Variants in MACROD2 observed in about 807,000 individuals in gnomAD.
MACROD2 encodes ADP-ribose glycohydrolase MACROD2.
A neutral mutation model predicts 70.4 loss-of-function variants in MACROD2; 36 were observed. That is an observed-to-expected ratio of 0.51 (90% CI 0.39 to 0.68). The LOEUF (loss-of-function observed/expected upper bound fraction) is 0.68. Ranked by LOEUF, MACROD2 falls within the 30% of genes least tolerant of loss-of-function variation. MACROD2 has a pLI of 0.00. For missense variants in MACROD2, 496 were observed against 538.4 expected (o/e 0.92, Z 0.78); for synonymous variants, 172 against 178.8 (o/e 0.96, Z 0.30).
chr20:15,035,407 A>G (rs2075305181), intron 5 of MACROD2, among the ~76,000 whole-genome samples: 1 of 132,652 alleles, frequency 7.5e-6, no homozygotes, highest in African/African-American at 3.2e-5. Flanking sequence ...TTGTCTCCAA[A>G]AAAATAAGTA....
chr20:14,662,980 G>A (rs1012834149), intron 4 of MACROD2, among the ~76,000 whole-genome samples: 1 of 152,014 alleles, frequency 6.6e-6, no homozygotes, highest in African/African-American at 2.4e-5. Context: ...TCCCATTACT[G>A]GGCATATACT....
intron 6 of MACROD2, among the ~76,000 whole-genome samples, chr20:15,247,068 A>AAT (rs1303771316): frequency 6.6e-6 from 1 of 152,140 alleles, no homozygotes; most frequent in Non-Finnish European, 1.5e-5. Context: ...TGTGACTGCT[A>AAT]ATAGGGTATC....
chr20:14,049,174 TA>T (rs71335946), intron 2 of MACROD2, among the ~76,000 whole-genome samples: 109 of 69,792 alleles, frequency 1.6e-3, no homozygotes, highest in South Asian at 0.015. Context: ...ATATATTTAA[TA>T]AAAAAAAAAA....
chr20:14,896,044 C>T (rs1401861154), intron 5 of MACROD2, among the ~76,000 whole-genome samples: 1 of 152,182 alleles, frequency 6.6e-6, no homozygotes, highest in Non-Finnish European at 1.5e-5. Context: ...CGCCTATAAT[C>T]CCAGCACTTT....
chr20:14,106,806 T>C (rs1327703249), intron 3 of MACROD2, among the ~76,000 whole-genome samples: 1 of 152,152 alleles, frequency 6.6e-6, no homozygotes, highest in Non-Finnish European at 1.5e-5. Flanking sequence ...CAGACAATTC[T>C]TCCAGATCTT....
At chr20:15,366,807 A>AG in intron 6 of MACROD2, among the ~76,000 whole-genome samples, 1 of 151,836 alleles carries the variant, frequency 6.6e-6, no homozygotes, top group East Asian at 2.0e-4. Context: ...ACAATCCTCC[A>AG]GCCTCCACCT....
chr20:14,537,007 G>T (rs17227097), intron 4 of MACROD2, among the ~76,000 whole-genome samples: 1,746 of 152,198 alleles, frequency 0.011, 14 homozygotes, highest in Non-Finnish European at 0.019. Context: ...AGTCAGAAAG[G>T]GTCAGGGTGG....
intron 5 of MACROD2, among the ~76,000 whole-genome samples, chr20:15,091,521 A>G (rs537701712): frequency 5.6e-4 from 85 of 152,104 alleles, no homozygotes; most frequent in Non-Finnish European, 1.1e-3. Flanking sequence ...GGAAAGGGAA[A>G]CATCATGGGC....
intron 8 of MACROD2, among the ~76,000 whole-genome samples, chr20:15,713,714 A>G (rs1317345397): frequency 1.3e-5 from 2 of 152,122 alleles, no homozygotes; most frequent in Non-Finnish European, 2.9e-5. Context: ...AAAATTCAGC[A>G]TGAGATTTGG....
chr20:15,784,724 T>C (rs2051891939), intron 8 of MACROD2, among the ~76,000 whole-genome samples: 1 of 152,126 alleles, frequency 6.6e-6, no homozygotes, highest in African/African-American at 2.4e-5. Flanking sequence ...ACAAGAACAG[T>C]AAAGCTTTAG....
At chr20:14,199,932 T>C (rs2081465154) in intron 3 of MACROD2, among the ~76,000 whole-genome samples, 1 of 152,178 alleles carries the variant, frequency 6.6e-6, no homozygotes, top group Admixed American at 6.5e-5. Context: ...TTCCTTCTTA[T>C]CCACCTATTC....
At chr20:15,109,260 C>A (rs973242335) in intron 5 of MACROD2, among the ~76,000 whole-genome samples, 5 of 152,084 alleles carry the variant, frequency 3.3e-5, no homozygotes, top group Admixed American at 3.3e-4. Context: ...GGATGTTCAC[C>A]GTGAGGAACT....
intron 8 of MACROD2, among the ~76,000 whole-genome samples, chr20:15,736,342 G>T (rs1489511331): frequency 1.3e-5 from 2 of 152,206 alleles, no homozygotes; most frequent in Non-Finnish European, 2.9e-5. Context: ...TGGGTCACTA[G>T]TATGAAGATA....
At chr20:14,743,596 C>T (rs373190206) in intron 5 of MACROD2, among the ~76,000 whole-genome samples, 1 of 152,146 alleles carries the variant, frequency 6.6e-6, no homozygotes, top group South Asian at 2.1e-4. Context: ...CTGTGTTGGA[C>T]TTATGTCATA....
At chr20:14,453,147 G>T (rs985780529) in intron 3 of MACROD2, among the ~76,000 whole-genome samples, 1 of 152,100 alleles carries the variant, frequency 6.6e-6, no homozygotes, top group Admixed American at 6.6e-5. Flanking sequence ...CATTGATATT[G>T]GTGCTGATAG....
intron 10 of MACROD2, among the ~76,000 whole-genome samples, chr20:15,932,705 G>A (rs1183792334): frequency 6.6e-6 from 1 of 152,146 alleles, no homozygotes; most frequent in Non-Finnish European, 1.5e-5. Flanking sequence ...GTTTCAGATA[G>A]TTGCTAATAT....
At chr20:15,093,953 G>T (rs1050747957) in intron 5 of MACROD2, among the ~76,000 whole-genome samples, 5 of 152,162 alleles carry the variant, frequency 3.3e-5, no homozygotes, top group Non-Finnish European at 5.9e-5. Context: ...GCCACCAAGG[G>T]ATAGAGCCAG....
intron 6 of MACROD2, among the ~76,000 whole-genome samples, chr20:15,255,225 T>C (rs1439113995): frequency 6.6e-6 from 1 of 152,100 alleles, no homozygotes; most frequent in Non-Finnish European, 1.5e-5. Flanking sequence ...TACTCTCTAA[T>C]GTAAGAAGAT....
intron 6 of MACROD2, among the ~76,000 whole-genome samples, chr20:15,298,782 C>T (rs2077614767): frequency 6.6e-6 from 1 of 152,066 alleles, no homozygotes; most frequent in African/African-American, 2.4e-5. Flanking sequence ...TACCAGTTAC[C>T]AGGTGCCTCC....
Sources: allele counts gnomAD v4.1 joint callset (sites outside exome capture counted in the v4.1 genomes callset), GRCh38; gene constraint gnomAD v4.1.1; transcripts MANE v1.5; gene names NCBI Gene and HGNC (gene_info 2026-07-23, HGNC 2026-07-21).